The following OR56A3 variants were observed in gnomAD, a reference collection of about 807,000 sequenced individuals.
The protein encoded by OR56A3 is olfactory receptor family 56 subfamily A member 3.
OR56A3 carries 23 observed loss-of-function variants against 17.5 expected under a neutral mutation model. That is an observed-to-expected ratio of 1.32 (90% CI 0.95 to 1.87). The LOEUF is 1.87. Among genes scored for constraint, OR56A3 ranks in the 40% most tolerant of loss-of-function variants. The pLI is 0.00. For synonymous variants in OR56A3, 175 were observed against 150.6 expected (o/e 1.16, Z -1.19); for missense variants, 366 against 380.1 (o/e 0.96, Z 0.31).
At chr11:5,970,198 C>A in the OR56A3 span, among the ~76,000 whole-genome samples, 1 of 152,060 alleles carries the variant, frequency 6.6e-6, no homozygotes, top group Non-Finnish European at 1.5e-5. Context: ...CAACACATAA[C>A]ATATAGTTCA....
downstream of OR56A3, among the ~76,000 whole-genome samples, chr11:5,954,734 G>C (rs1425906851): frequency 3.3e-5 from 5 of 152,044 alleles, no homozygotes; most frequent in Non-Finnish European, 7.4e-5. Flanking sequence ...AAATTAAACA[G>C]AAAGTATGAA....
downstream of OR56A3, among the ~76,000 whole-genome samples, chr11:5,953,949 A>G (rs149300197): frequency 1.4e-4 from 21 of 152,248 alleles, no homozygotes; most frequent in African/African-American, 5.1e-4. Flanking sequence ...AATAAGCACT[A>G]TATCAAAGTT....
the OR56A3 span, chr11:6,021,099 TAGAAA>T: frequency 1.3e-5 from 2 of 151,982 alleles, no homozygotes; most frequent in African/African-American, 4.8e-5. Context: ...GAAGACAATA[TAGAAA>T]AGAAAAGTAA....
At chr11:5,955,719 C>T (rs559316818), downstream of OR56A3, among the ~76,000 whole-genome samples, 5 of 152,022 alleles carry the variant, frequency 3.3e-5, no homozygotes, top group Non-Finnish European at 5.9e-5. Flanking sequence ...ACAGATGTAC[C>T]GTAGTTCTTG....
chr11:6,014,712 T>G, the OR56A3 span, among the ~76,000 whole-genome samples: 2 of 152,260 alleles, frequency 1.3e-5, no homozygotes, highest in East Asian at 1.9e-4. Flanking sequence ...AGTTTGGACC[T>G]TCCTAGAGAT....
the OR56A3 span, among the ~76,000 whole-genome samples, chr11:6,018,307 A>T: frequency 6.6e-6 from 1 of 152,226 alleles, no homozygotes; most frequent in Non-Finnish European, 1.5e-5. Context: ...CACAAAGAAC[A>T]TTGTCCAAAA....
the OR56A3 span, among the ~76,000 whole-genome samples, chr11:5,958,317 G>A: frequency 6.6e-6 from 1 of 152,118 alleles, no homozygotes; most frequent in Admixed American, 6.5e-5. Context: ...ATAACACCAT[G>A]AGACTCAAAT....
At position 5,950,665 on chromosome 11, in the gene OR56A3, C is replaced by T. The variant is rs1847902483; in HGVS notation, c.*2371C>T. On this transcript the variant is annotated 3_prime_UTR_variant, in exon 3 of 3. Coordinates refer to ENST00000641160, the MANE Select transcript of OR56A3 (RefSeq NM_001003443.3). ...TAATAAGATATTTTATTTAGTCCAA[C>T]ATATCCAAAATATTATCATTTCAAC... 1.3e-5 allele frequency: 2 copies of T among 152,102 alleles called. No homozygotes were observed. The highest frequency in any genetic ancestry group is 1.3e-4 in the Admixed American group (2 of 15,274). 9.4% of individuals were successfully genotyped at this position (152,102 alleles called of 1,614,324 possible).
the OR56A3 span, among the ~76,000 whole-genome samples, chr11:5,987,214 G>A: frequency 5.9e-5 from 9 of 152,180 alleles, no homozygotes; most frequent in African/African-American, 1.9e-4. Flanking sequence ...ACTTCAAAGA[G>A]TTATTTTTAT....
the OR56A3 span, chr11:6,006,442 T>A: frequency 6.6e-6 from 1 of 152,156 alleles, no homozygotes; most frequent in African/African-American, 2.4e-5. Flanking sequence ...GGTTATTCAT[T>A]CTAGGTGTCA....
the OR56A3 span, among the ~76,000 whole-genome samples, chr11:5,998,647 G>A: frequency 6.6e-6 from 1 of 152,152 alleles, no homozygotes; most frequent in Non-Finnish European, 1.5e-5. Context: ...AGAAAAGTTG[G>A]ACTAAAATAA....
the OR56A3 span, among the ~76,000 whole-genome samples, chr11:6,016,753 A>G: frequency 6.6e-6 from 1 of 151,916 alleles, no homozygotes; most frequent in East Asian, 1.9e-4. Flanking sequence ...ACAGATAAAT[A>G]ATACAAAAAA....
At chr11:5,996,870 A>G in the OR56A3 span, among the ~76,000 whole-genome samples, 1 of 152,234 alleles carries the variant, frequency 6.6e-6, no homozygotes. Context: ...TCTGAGGAGT[A>G]TAGTCGCTTG....
the OR56A3 span, among the ~76,000 whole-genome samples, chr11:6,015,413 G>A: frequency 6.6e-6 from 1 of 152,296 alleles, no homozygotes; most frequent in Non-Finnish European, 1.5e-5. Context: ...GTGCAATATG[G>A]GGTTGGAGCC....
chr11:5,992,336 T>C, the OR56A3 span, among the ~76,000 whole-genome samples: 3 of 152,138 alleles, frequency 2.0e-5, no homozygotes, highest in African/African-American at 7.2e-5. Context: ...GAATACAAAA[T>C]CTTGGCTCCC....
chr11:5,967,905 A>C, the OR56A3 span: 1 of 1,591,172 alleles, frequency 6.3e-7, no homozygotes, highest in Middle Eastern at 1.7e-4. Flanking sequence ...GCTCTGATTC[A>C]AGGTGATGTC....
the OR56A3 span, among the ~76,000 whole-genome samples, chr11:5,980,936 A>G: frequency 5.3e-5 from 8 of 152,132 alleles, no homozygotes; most frequent in Non-Finnish European, 1.2e-4. Context: ...GTTTGGCTGG[A>G]TATGAAGTTC....
At chr11:5,986,562 A>G in the OR56A3 span, 5 of 1,614,030 alleles carry the variant, frequency 3.1e-6, no homozygotes, top group Admixed American at 1.7e-5. Context: ...AGGAGAATGC[A>G]TGGATGAAGA....
chr11:5,968,606 T>A, the OR56A3 span: 2 of 839,544 alleles, frequency 2.4e-6, no homozygotes, highest in Non-Finnish European at 3.7e-6. Context: ...TTCTAATTTA[T>A]AAAATGTATG....
Sources: allele counts gnomAD v4.1 joint callset (sites outside exome capture counted in the v4.1 genomes callset), GRCh38; gene constraint gnomAD v4.1.1; transcripts MANE v1.5; gene names NCBI Gene and HGNC (gene_info 2026-07-23, HGNC 2026-07-21).